Variants in MROH7 observed in about 807,000 individuals in gnomAD.
The protein encoded by MROH7 is maestro heat like repeat family member 7, also known as maestro heat-like repeat-containing protein family member 7.
In MROH7, 113 loss-of-function variants were observed where a neutral mutation model predicts 129.2. That is an observed-to-expected ratio of 0.87 (90% confidence interval 0.75 to 1.02). The LOEUF (loss-of-function observed/expected upper bound fraction) is 1.02. Ranked by LOEUF, MROH7 falls within the 50% of genes least tolerant of loss-of-function variation. The pLI is 0.00. For synonymous variants in MROH7, 655 were observed against 667.9 expected, an observed-to-expected ratio of 0.98 and a Z score of 0.30; for missense variants, 1,601 against 1,671.3, an observed-to-expected ratio of 0.96 and a Z score of 0.73.
At chr1:54,668,371 T>C (rs1046947704) in intron 4 of MROH7, among the ~76,000 whole-genome samples, 1 of 152,206 alleles carries the variant, frequency 6.6e-6, no homozygotes, top group Admixed American at 6.5e-5. Flanking sequence ...CTATATGAAA[T>C]TAGTTTTCTT....
intron 17 of MROH7, 36 bp from the exon 18 acceptor site, chr1:54,700,285 C>T (rs200417275): frequency 1.7e-5 from 27 of 1,613,478 alleles, no homozygotes; most frequent in African/African-American, 1.3e-5. Flanking sequence ...CCCTGCCCCC[C>T]TCAGCCTGGG....
In MROH7 at chr1:54,652,966, G is replaced by C. The variant is rs990291011; in HGVS notation, c.40G>C (p.Asp14His). The change falls in exon 3 of 24, where the codon GAC becomes CAC. Residue 14 changes from aspartate (D) to histidine (H), a missense_variant. By Grantham distance (81) the Asp-to-His change is moderately conservative (BLOSUM62 -1). Coordinates refer to ENST00000421030, the MANE Select transcript of MROH7 (RefSeq NM_001039464.4). ...AGGGGCTAACCTGGTCTTCCATGAA[G>C]ACCCAAAGATGACACCAAGTCCCCC... ...SPGANLVFHE[D>H]PKMTPSPPSC... 5.6e-6 allele frequency: 9 copies of C among 1,611,378 alleles called. No homozygotes were observed. In the African/African-American group the frequency reaches 1.1e-4, roughly 19 times the overall value.
At chr1:54,659,078 G>T (rs1460404945) in intron 3 of MROH7, 3 of 432,624 alleles carry the variant, frequency 6.9e-6, no homozygotes, top group East Asian at 1.6e-4. Context: ...ACTGTGTGTG[G>T]TTTTTTTGTT....
intron 19 of MROH7, among the ~76,000 whole-genome samples, chr1:54,701,622 C>A (rs1484037535): frequency 6.6e-6 from 1 of 152,174 alleles, no homozygotes; most frequent in East Asian, 1.9e-4. Flanking sequence ...GCTCTGGCAC[C>A]CAGGCTGGAG....
At chr1:54,670,083 A>AC (rs35875057) in intron 5 of MROH7, among the ~76,000 whole-genome samples, 4 of 147,974 alleles carry the variant, frequency 2.7e-5, no homozygotes, top group East Asian at 2.0e-4. Context: ...AGAAAAAAAA[A>AC]CACAAAAAAA....
At chr1:54,647,864 C>G (rs1388608750) in intron 1 of MROH7, among the ~76,000 whole-genome samples, 2 of 138,492 alleles carry the variant, frequency 1.4e-5, no homozygotes, top group East Asian at 4.3e-4. Flanking sequence ...AAAATTGTGC[C>G]ATTGCACTCT....
chr1:54,697,872 ATGGGGCATTCCTG>A (rs951824010), intron 17 of MROH7: 1 of 518,890 alleles, frequency 1.9e-6, no homozygotes, highest in Non-Finnish European at 3.4e-6. Flanking sequence ...GCCAGACCTT[ATGGGGCATTCCTG>A]TGTCCACCAC....
Position 54,654,022 on chromosome 1 carries a change from C to T in MROH7, c.1096C>T (p.His366Tyr), listed in dbSNP as rs367906695. The change falls in exon 3 of 24, where the codon CAC becomes TAC. Residue 366 changes from histidine to tyrosine, a missense_variant. Coordinates refer to ENST00000421030, the MANE Select transcript of MROH7 (RefSeq NM_001039464.4). ...QQDDAKDNSI[H>Y]TVPLEENLES... ...GGATGATGCCAAGGACAACAGCATCCACACTGTGCCCCTGGAGGAGAATCT... is the reference window on the plus strand; with the variant it reads ...GGATGATGCCAAGGACAACAGCATCTACACTGTGCCCCTGGAGGAGAATCT... 6.2e-5 allele frequency: 100 copies of T among 1,614,094 alleles called. 1 individual carries two copies. Among genetic ancestry groups the T allele is most frequent in the Non-Finnish European group, 8.0e-5 (94 of 1,180,046 alleles).
rs546409995 is a variant in MROH7 at position 54,686,659 on chromosome 1, C to G, written c.2711+211C>G. Among the ~76,000 whole-genome samples the G allele has an allele frequency of 1.2e-4, 19 of 152,330 alleles. 1 individual carries two copies. The highest frequency in any genetic ancestry group is 4.6e-4 in the African/African-American group (19 of 41,574). On this transcript the variant is annotated intron_variant, in intron 15 of 23. Coordinates refer to ENST00000421030, the MANE Select transcript of MROH7 (RefSeq NM_001039464.4). ...CTGTGCATTACACACTGTGTTTAGT[C>G]TAGATCACAGGAAAGAATCAGCCCT...
chr1:54,699,910 T>C, intron 17 of MROH7: 1 of 566,146 alleles, frequency 1.8e-6, no homozygotes, highest in Non-Finnish European at 3.1e-6. Flanking sequence ...GTGGCAGGGG[T>C]CAGAGTGGAG....
rs1331427874 is a variant in MROH7 at position 54,686,152 on chromosome 1, C to T, written c.2521-106C>T. ...AGCTTCCCCAGGCTGGGCCAGAGGA[C>T]AGCAAAGACCCAGATCCTACCTCCC... On this transcript the variant is annotated intron_variant, in intron 14 of 23. Coordinates refer to ENST00000421030, the MANE Select transcript of MROH7 (RefSeq NM_001039464.4). 1.4e-5 allele frequency: 14 copies of T among 1,024,128 alleles called. No homozygotes were observed. In the East Asian group the frequency reaches 2.8e-4, roughly 21 times the overall value. The allele number at this position is 1,024,128 out of a possible 1,614,324, so 63.4% of individuals were successfully genotyped here. A position where few individuals can be genotyped will look rare whatever the true frequency, so the allele number is the denominator to read the frequency against.
At chr1:54,657,405 G>T (rs1275215593) in intron 3 of MROH7, among the ~76,000 whole-genome samples, 1 of 151,884 alleles carries the variant, frequency 6.6e-6, no homozygotes, top group Non-Finnish European at 1.5e-5. Context: ...TAGGGTCAGG[G>T]TCTCACTCTG....
At chr1:54,663,712 A>C (rs758225716) in intron 3 of MROH7, 15 of 412,586 alleles carry the variant, frequency 3.6e-5, no homozygotes, top group Admixed American at 1.0e-4. Flanking sequence ...CAAAAAAAAA[A>C]CAAGCTTTTG....
intron 13 of MROH7, among the ~76,000 whole-genome samples, 198 bp downstream of exon 13, chr1:54,680,243 T>C (rs1328207603): frequency 6.6e-6 from 1 of 152,140 alleles, no homozygotes. Context: ...TACAATAGTC[T>C]CTAATTCTCA....
intron 4 of MROH7, 145 bp downstream of exon 4, chr1:54,665,385 T>C (rs1644797500): frequency 1.7e-6 from 1 of 598,086 alleles, no homozygotes. Context: ...CCGTCTGATG[T>C]GCCATATGCT....
chr1:54,700,256 A>C, intron 17 of MROH7, 65 bp from the exon 18 acceptor site: 1 of 1,603,302 alleles, frequency 6.2e-7, no homozygotes, highest in Middle Eastern at 1.7e-4. Context: ...ATCCCAGTGC[A>C]TGGGAGGCCA....
intron 3 of MROH7, among the ~76,000 whole-genome samples, chr1:54,655,164 A>G (rs1289760856): frequency 6.6e-6 from 1 of 151,566 alleles, no homozygotes; most frequent in Non-Finnish European, 1.5e-5. Context: ...ACAGGCGCCC[A>G]CCACCACGCC....
chr1:54,653,951 G>A lies in MROH7; in HGVS notation c.1025G>A (p.Ser342Asn), dbSNP rs1429444519. The A allele has an allele frequency of 1.2e-6, 2 of 1,614,216 alleles. No individual in the cohort carries two copies. The highest frequency in any genetic ancestry group is 2.7e-5 in the African/African-American group (2 of 75,048). Residue 342 changes from serine to asparagine, a missense_variant, in exon 3 of 24, where the codon AGC (serine) becomes AAC (asparagine). Transcript: ENST00000421030. ...AATGAGACTCTGAGCCTGGACTCCA[G>A]CCTCCTGTTCAGCGACACCTCCACC... is the stretch of plus-strand genomic sequence containing the variant. ...GSNETLSLDS[S>N]LLFSDTSTLT...
chr1:54,699,098 C>CTT (rs1398016916), intron 17 of MROH7: 905 of 40,290 alleles, frequency 0.022, 18 homozygotes, highest in South Asian at 0.057. Flanking sequence ...CTGGCCTTTT[C>CTT]TTTCTTTCTT....
Sources: gnomAD v4.1 joint callset for allele counts (sites outside exome capture counted in the v4.1 genomes callset) on GRCh38, gnomAD v4.1.1 for gene constraint, MANE v1.5 for transcripts, NCBI Gene and HGNC (gene_info 2026-07-23, HGNC 2026-07-21) for gene names.